PLCL1: variants seen among roughly 807,000 people sequenced by gnomAD.
PLCL1 encodes the protein phospholipase C like 1 (inactive).
A neutral mutation model predicts 84.4 loss-of-function variants in PLCL1; 41 were observed. The ratio of observed to expected loss-of-function variants is 0.49; its 90% confidence interval spans 0.38 to 0.63. The LOEUF is 0.63. Ranked by LOEUF, PLCL1 falls within the 30% of genes least tolerant of loss-of-function variation. The probability of loss-of-function intolerance (pLI) is 0.00; values close to 1 mark genes in which losing one functional copy is unlikely to be tolerated. For missense variants in PLCL1, 1,206 were observed against 1,367.8 expected (o/e 0.88, Z 1.87); for synonymous variants, 490 against 488.3 (o/e 1.00, Z -0.05).
intron 1 of PLCL1, among the ~76,000 whole-genome samples, chr2:197,874,604 A>G (rs753187671): frequency 2.6e-5 from 4 of 152,170 alleles, no homozygotes; most frequent in Non-Finnish European, 5.9e-5. Context: ...TTGAAATTTT[A>G]AAAGGTGAAA....
chr2:198,062,694 C>T (rs1434390933), intron 1 of PLCL1, among the ~76,000 whole-genome samples: 1 of 152,008 alleles, frequency 6.6e-6, no homozygotes, highest in Non-Finnish European at 1.5e-5. Context: ...TCAAATTTTC[C>T]TGACCATAAG....
rs1345225535 is a variant in PLCL1, at chr2:197,805,397, C to T, written c.240+58C>T. ...CTGTGGGTGATGGGTGGGTCAGGGA[C>T]CCGGGCAGGATGTGCGGTGTCCGGA... On this transcript the variant is annotated intron_variant, in intron 1 of 5. Coordinates refer to ENST00000428675, the MANE Select transcript of PLCL1 (RefSeq NM_006226.4). The surrounding 1 kb of genome is among the most constrained non-coding windows in gnomAD (Gnocchi z 4.0). The T allele has an allele frequency of 7.7e-6, 10 of 1,306,234 alleles. No homozygotes were observed. Among genetic ancestry groups the T allele is most frequent in the Non-Finnish European group, 9.7e-6 (10 of 1,031,872 alleles). 80.9% of individuals were successfully genotyped at this position (1,306,234 alleles called of 1,614,324 possible).
intron 1 of PLCL1, among the ~76,000 whole-genome samples, chr2:197,861,634 T>C (rs888485477): frequency 1.3e-5 from 2 of 152,194 alleles, no homozygotes; most frequent in African/African-American, 4.8e-5. Flanking sequence ...GGAGGGGAAG[T>C]CTTGGGGACT....
intron 1 of PLCL1, among the ~76,000 whole-genome samples, chr2:197,860,470 T>C (rs1687408854): frequency 6.6e-6 from 1 of 152,200 alleles, no homozygotes; most frequent in Admixed American, 6.5e-5. Flanking sequence ...TCCACAATGG[T>C]TGAACTAATT....
intron 1 of PLCL1, among the ~76,000 whole-genome samples, chr2:198,034,242 A>T (rs1331915283): frequency 2.0e-5 from 3 of 151,314 alleles, no homozygotes; most frequent in Non-Finnish European, 4.4e-5. Context: ...AGAACATGCG[A>T]TGTTTGGTTT....
chr2:198,028,369 C>A (rs1490252447), intron 1 of PLCL1, among the ~76,000 whole-genome samples: 1 of 151,954 alleles, frequency 6.6e-6, no homozygotes, highest in East Asian at 1.9e-4. Flanking sequence ...TTGGGCTTGC[C>A]ACTGGCCTTC....
At chr2:198,143,797 A>AAG (rs1366441812) in intron 5 of PLCL1, among the ~76,000 whole-genome samples, 1 of 152,148 alleles carries the variant, frequency 6.6e-6, no homozygotes, top group East Asian at 1.9e-4. Flanking sequence ...CCTCCTTCAT[A>AAG]AAAAAAGAGA....
intron 1 of PLCL1, among the ~76,000 whole-genome samples, chr2:197,987,226 G>C (rs755862838): frequency 1.4e-4 from 22 of 152,188 alleles, no homozygotes; most frequent in Non-Finnish European, 2.8e-4. Context: ...CTGGCCTGCA[G>C]ATGTGTTTGA....
intron 1 of PLCL1, among the ~76,000 whole-genome samples, chr2:198,042,637 A>G (rs1295425932): frequency 6.6e-6 from 1 of 152,208 alleles, no homozygotes; most frequent in Non-Finnish European, 1.5e-5. Flanking sequence ...AGCTTTGGGG[A>G]TAGGCAGATA....
intron 1 of PLCL1, among the ~76,000 whole-genome samples, chr2:197,999,676 C>T (rs1690554161): frequency 6.6e-6 from 1 of 152,158 alleles, no homozygotes; most frequent in African/African-American, 2.4e-5. Flanking sequence ...CAAAGAAATA[C>T]CCCATCTTTT....
At chr2:198,043,162 A>G (rs1691705141) in intron 1 of PLCL1, among the ~76,000 whole-genome samples, 1 of 152,230 alleles carries the variant, frequency 6.6e-6, no homozygotes, top group Non-Finnish European at 1.5e-5. Context: ...TGGTAGACCT[A>G]GTAAAAGATG....
chr2:197,839,020 C>A (rs1273761397), intron 1 of PLCL1, among the ~76,000 whole-genome samples: 11 of 152,296 alleles, frequency 7.2e-5, no homozygotes, highest in Non-Finnish European at 1.0e-4. Context: ...CCTTATATAT[C>A]TGCTCTGTTC....
chr2:197,921,999 CTTTT>C (rs34033380), intron 1 of PLCL1, among the ~76,000 whole-genome samples: 14 of 121,688 alleles, frequency 1.2e-4, no homozygotes, highest in Non-Finnish European at 1.7e-4. Flanking sequence ...TTGATAAATT[CTTTT>C]TTTTTTTTTT....
intron 1 of PLCL1, among the ~76,000 whole-genome samples, chr2:197,843,021 T>C (rs1559022148): frequency 6.6e-6 from 1 of 152,224 alleles, no homozygotes; most frequent in African/African-American, 2.4e-5. Context: ...GTTACTCCTT[T>C]ATAGCCTCTC....
intron 5 of PLCL1, among the ~76,000 whole-genome samples, chr2:198,121,732 C>G (rs1693872241): frequency 6.6e-6 from 1 of 152,098 alleles, no homozygotes; most frequent in South Asian, 2.1e-4. Context: ...TTTGAAGAAC[C>G]TGGCCTACTC....
rs138239025 is a variant in PLCL1 at position 197,813,569 on chromosome 2, C to T, written c.240+8230C>T. Among the ~76,000 whole-genome samples the T allele has an allele frequency of 2.0e-5, 3 of 152,010 alleles. No homozygotes were observed. The East Asian group carries it at 5.8e-4, about 29-fold the overall frequency. On this transcript the variant is annotated intron_variant, in intron 1 of 5. Coordinates refer to ENST00000428675, the MANE Select transcript of PLCL1 (RefSeq NM_006226.4). Reference sequence around the variant, plus strand: ...ATGTTTAATCTAATATATAAAACACCTAGTAACATCTTGAATTGGTTTTCC... The same window carrying T: ...ATGTTTAATCTAATATATAAAACACTTAGTAACATCTTGAATTGGTTTTCC...
Position 197,804,905 on chromosome 2 carries a change from A to T in PLCL1, c.-195A>T. Reference sequence around the variant, plus strand: ...TAGCCTCCTAGACCGAAGCCCGAGGACGTCTCTGCCCGAGCGATGTCCCCT... The same window carrying T: ...TAGCCTCCTAGACCGAAGCCCGAGGTCGTCTCTGCCCGAGCGATGTCCCCT... On this transcript the variant is annotated 5_prime_UTR_variant, in exon 1 of 6. Coordinates refer to ENST00000428675, the MANE Select transcript of PLCL1 (RefSeq NM_006226.4). 1.9e-6 allele frequency: 1 copy of T among 533,958 alleles called. No homozygotes were observed. The highest frequency in any genetic ancestry group is 3.1e-6 in the Non-Finnish European group (1 of 319,300). The allele number at this position is 533,958 out of a possible 1,614,324, so 33.1% of individuals were successfully genotyped here.
At chr2:197,908,912 C>T (rs779891688) in intron 1 of PLCL1, among the ~76,000 whole-genome samples, 4 of 152,112 alleles carry the variant, frequency 2.6e-5, no homozygotes, top group Non-Finnish European at 5.9e-5. Flanking sequence ...ATTAGCTCAA[C>T]ATGGTCAAGT....
At chr2:197,842,020 A>G (rs544588669) in intron 1 of PLCL1, among the ~76,000 whole-genome samples, 4 of 152,314 alleles carry the variant, frequency 2.6e-5, no homozygotes, top group Admixed American at 6.5e-5. Flanking sequence ...GTTTTAAAAA[A>G]TAGCTGGGGG....
Sources: allele counts gnomAD v4.1 joint callset (sites outside exome capture counted in the v4.1 genomes callset), GRCh38; gene constraint gnomAD v4.1.1; non-coding constraint Gnocchi (gnomAD v3.1); transcripts MANE v1.5; gene names NCBI Gene and HGNC (gene_info 2026-07-23, HGNC 2026-07-21).